Variants in ATP8B3 observed in about 807,000 individuals in gnomAD.
ATP8B3 encodes the protein phospholipid-transporting ATPase IK.
A neutral mutation model predicts 140.9 loss-of-function variants in ATP8B3; 141 were observed. The observed-to-expected ratio is 1.00, with a 90% CI of 0.87 to 1.15. ATP8B3 has a LOEUF of 1.15. ATP8B3 is among the 50% of genes most tolerant of loss of function. ATP8B3 has a pLI of 0.00. For missense variants in ATP8B3, 1,874 were observed against 1,740.6 expected, an observed-to-expected ratio of 1.08 and a Z score of -1.36; for synonymous variants, 765 against 714.6, an observed-to-expected ratio of 1.07 and a Z score of -1.13.
intron 20 of ATP8B3, 139 bp from the exon 21 acceptor site, chr19:1,790,971 A>ATG: frequency 1.4e-6 from 1 of 723,042 alleles, no homozygotes; most frequent in Non-Finnish European, 2.3e-6. Context: ...TGATTGGTTC[A>ATG]GAGAAGGGCT....
chr19:1,785,821 T>TG, intron 25 of ATP8B3, 113 bp from the exon 26 acceptor site: 2 of 1,143,754 alleles, frequency 1.7e-6, no homozygotes, highest in East Asian at 5.2e-5. Context: ...TGTGGCTCTT[T>TG]GAGTTTAAGT....
At chr19:1,792,327 C>G (rs1600417483) in intron 18 of ATP8B3, among the ~76,000 whole-genome samples, 192 bp from the exon 19 acceptor site, 1 of 152,216 alleles carries the variant, frequency 6.6e-6, no homozygotes, top group Non-Finnish European at 1.5e-5. Context: ...CGCCTGCAAT[C>G]CCAGCACTTT....
At position 1,800,673 on chromosome 19, in the gene ATP8B3, A is replaced by T. The variant is rs537065479; in HGVS notation, c.1153-224T>A. Among the ~76,000 whole-genome samples, 31 of 151,994 alleles carry T rather than the reference A, an allele frequency of 2.0e-4. No homozygotes were observed. Among genetic ancestry groups the T allele is most frequent in the African/African-American group, 6.8e-4 (28 of 41,310 alleles). ...CATCTCGACGAAAAACTTAAAAAAT[A>T]AATTAGTCAGGCATGGTGGCGCACA... On this transcript the variant is annotated intron_variant, in intron 12 of 28. Coordinates refer to ENST00000310127, the MANE Select transcript of ATP8B3 (RefSeq NM_138813.4). The surrounding 1 kb of genome is among the most constrained non-coding windows in gnomAD (Gnocchi z 4.4).
At chr19:1,790,710 T>G in intron 21 of ATP8B3, 47 bp downstream of exon 21, 2 of 1,379,164 alleles carry the variant, frequency 1.5e-6, no homozygotes, top group Non-Finnish European at 1.9e-6. Flanking sequence ...CTCCTTGTCC[T>G]CACCTCCCCA....
intron 18 of ATP8B3, among the ~76,000 whole-genome samples, chr19:1,795,608 G>C (rs1164507627): frequency 6.6e-6 from 1 of 152,014 alleles, no homozygotes; most frequent in Non-Finnish European, 1.5e-5. Context: ...CTCTCTGGGG[G>C]CTACACTTGG....
In ATP8B3 at chr19:1,806,287, T is replaced by C. The variant is rs2069016192; in HGVS notation, c.678-118A>G. 5 of 1,499,460 alleles carry C rather than the reference T, an allele frequency of 3.3e-6. No homozygotes were observed. The South Asian group carries it at 6.4e-5, about 19-fold the overall frequency. The allele number at this position is 1,499,460 out of a possible 1,614,324, so 92.9% of individuals were successfully genotyped here. A position where few individuals can be genotyped will look rare whatever the true frequency, so the allele number is the denominator to read the frequency against. ...AGCTGCAGTCCCCACCTCCGGGCCT[T>C]TGCCCCCTCAGGAAGCCTTCCCCGG... On this transcript the variant is annotated intron_variant, in intron 7 of 28. Transcript: ENST00000310127. This position sits in a 1 kb window ranked among gnomAD's most constrained non-coding sequence, Gnocchi z 5.6.
intron 16 of ATP8B3, 45 bp from the exon 17 acceptor site, chr19:1,796,310 T>G: frequency 6.7e-7 from 1 of 1,491,492 alleles, no homozygotes; most frequent in Non-Finnish European, 9.1e-7. Context: ...GTGGAGCCCG[T>G]CTCCATCTCC....
At position 1,810,531 on chromosome 19, in the gene ATP8B3, C is replaced by T. The variant is rs1203059060; in HGVS notation, c.310+91G>A. 1.5e-5 allele frequency: 20 copies of T among 1,314,496 alleles called. 1 individual carries two copies. The East Asian group carries it at 2.2e-4, about 14-fold the overall frequency. The allele number at this position is 1,314,496 out of a possible 1,614,324, so 81.4% of individuals were successfully genotyped here. On this transcript the variant is annotated intron_variant, in intron 3 of 28. Transcript: ENST00000310127. ...CACCCGCCTCAGCCTCCCAAAGTGC[C>T]GGGATTACAGGGGAGAGCCACCACG...
chr19:1,789,497 C>A lies in ATP8B3; in HGVS notation c.2709G>T (p.Ala903=), dbSNP rs762868758. The A allele has an allele frequency of 1.3e-6, 2 of 1,597,938 alleles. No individual in the cohort carries two copies. The highest frequency in any genetic ancestry group is 2.7e-5 in the African/African-American group (2 of 74,586). The stretch of plus-strand genomic sequence containing the variant: ...AGCAGATGACCGCCTGGCACTTGGA[C>A]GCCAGGTCCACGAAGGCGCGCTCCT... The part of the protein sequence containing the change: ...VLQERAFVDL[A]SKCQAVICCR... Residue 903 remains alanine (A), a synonymous_variant, in exon 23 of 29, where the codon GCG becomes GCT. Coordinates refer to ENST00000310127, the MANE Select transcript of ATP8B3 (RefSeq NM_138813.4).
At chr19:1,809,758 G>A (rs1262583108) in intron 3 of ATP8B3, 24 bp from the exon 4 acceptor site, 7 of 1,580,600 alleles carry the variant, frequency 4.4e-6, no homozygotes, top group Non-Finnish European at 6.0e-6. Context: ...GCCGGGCGTC[G>A]CTGGAGCTCG....
chr19:1,809,559 G>A, intron 4 of ATP8B3, 84 bp downstream of exon 4: 1 of 1,135,904 alleles, frequency 8.8e-7, no homozygotes, highest in Admixed American at 2.0e-5. Context: ...GCAGAGGCAG[G>A]ACTCAGGAGG....
intron 4 of ATP8B3, among the ~76,000 whole-genome samples, chr19:1,809,341 C>T (rs748572701): frequency 4.0e-5 from 6 of 151,018 alleles, no homozygotes; most frequent in Admixed American, 6.6e-5. Flanking sequence ...ATTAGTCAGG[C>T]GTGGTGGTGC....
Position 1,789,094 on chromosome 19 carries a change from C to T in ATP8B3, c.2872G>A (p.Gly958Ser). ...TGAACTGCCTGCATGCCCTCCTGGC[C>T]CGCCAGCCCCACGCCCACGTCCGCG... is the stretch of plus-strand genomic sequence containing the variant. ...KTADVGVGLA[G>S]QEGMQAVQNS... is the part of the protein sequence containing the mutation. The change falls in exon 24 of 29, where the codon GGC becomes AGC. Residue 958 changes from glycine to serine, a missense_variant. Gly to Ser is a moderately conservative substitution (Grantham distance 56). Transcript: ENST00000310127. 1 of 1,593,448 alleles carries T rather than the reference C, an allele frequency of 6.3e-7. No homozygotes were observed.
chr19:1,811,918 G>T, intron 1 of ATP8B3, 34 bp from the exon 2 acceptor site: 1 of 684,474 alleles, frequency 1.5e-6, no homozygotes, highest in Non-Finnish European at 2.3e-6. Context: ...CACAGCGCTG[G>T]CTTCCTGCCC....
Position 1,809,720 on chromosome 19 carries a change from C to T in ATP8B3, c.325G>A (p.Val109Ile), listed in dbSNP as rs750432592. The T allele has an allele frequency of 5.0e-6, 8 of 1,609,328 alleles. No homozygotes were observed. In the South Asian group the frequency reaches 8.9e-5, roughly 18 times the overall value. ...EDRNSAFTWK[V>I]QANNRAYNGQ... ...TTGTAGGCACGGTTGTTGGCCTGGA[C>T]CTTCCAGGTGAATGCTGCAGCGAGA... The change falls in exon 4 of 29, where the codon GTC (valine) becomes ATC (isoleucine). Residue 109 changes from valine to isoleucine, a missense_variant. Val to Ile is a conservative substitution (Grantham distance 29, BLOSUM62 3). Transcript: ENST00000310127.
chr19:1,808,385 G>C, intron 4 of ATP8B3, 50 bp from the exon 5 acceptor site: 1 of 1,435,998 alleles, frequency 7.0e-7, no homozygotes. Context: ...ATCCAGGCCA[G>C]GGGATGGGGG....
At position 1,805,340 on chromosome 19, in the gene ATP8B3, CGAG is replaced by C. The variant is rs1568656047; in HGVS notation, c.904+31_904+33del. On this transcript the variant is annotated intron_variant, in intron 10 of 28. Coordinates refer to ENST00000310127, the MANE Select transcript of ATP8B3 (RefSeq NM_138813.4). This position sits in a 1 kb window ranked among gnomAD's most constrained non-coding sequence, Gnocchi z 5.2. The stretch of plus-strand genomic sequence containing the variant: ...CCCTAACTTTTAACTTTTACAGATT[CGAG>C]GGACGTGACTCCCTGCTCAACGCCT... 2 of 1,516,080 alleles carry C rather than the reference CGAG, an allele frequency of 1.3e-6. No individual in the cohort carries two copies. Among genetic ancestry groups the C allele is most frequent in the South Asian group, 2.4e-5 (2 of 83,562 alleles). 93.9% of individuals were successfully genotyped at this position (1,516,080 alleles called of 1,614,324 possible). A position where few individuals can be genotyped will look rare whatever the true frequency, so the allele number is the denominator to read the frequency against.
Position 1,789,079 on chromosome 19 carries a change from G to A in ATP8B3, c.2887C>T (p.Gln963Ter). ...ACGAAGTCGCTGTTCTGAACTGCCT[G>A]CATGCCCTCCTGGCCCGCCAGCCCC... ...GVGLAGQEGM[Q>*]AVQNSDFVLG... is the part of the protein sequence containing the mutation. The change falls in exon 24 of 29, where the codon CAG becomes TAG. Residue 963 changes from glutamine to a stop codon, truncating the protein, a stop_gained. Coordinates refer to ENST00000310127, the MANE Select transcript of ATP8B3 (RefSeq NM_138813.4). LOFTEE classifies it high-confidence loss of function. 6.3e-7 allele frequency: 1 copy of A among 1,586,950 alleles called. No homozygotes were observed. The highest frequency in any genetic ancestry group is 8.5e-7 in the Non-Finnish European group (1 of 1,171,542).
chr19:1,789,236 C>A, intron 23 of ATP8B3, 116 bp from the exon 24 acceptor site: 1 of 1,032,910 alleles, frequency 9.7e-7, no homozygotes, highest in Non-Finnish European at 1.3e-6. Context: ...CAGGTCCCCC[C>A]AGTCCCACCG....
Sources: gnomAD v4.1 joint callset for allele counts (sites outside exome capture counted in the v4.1 genomes callset) on GRCh38, gnomAD v4.1.1 for gene constraint, Gnocchi (gnomAD v3.1) non-coding constraint, MANE v1.5 for transcripts, NCBI Gene and HGNC (gene_info 2026-07-23, HGNC 2026-07-21) for gene names.